Variants in AP2A1 observed in about 807,000 individuals in gnomAD.
The protein encoded by AP2A1 is AP-2 complex subunit alpha-1.
AP2A1 carries 21 observed loss-of-function variants against 107.3 expected under a neutral mutation model. The ratio of observed to expected loss-of-function variants is 0.20; its 90% CI spans 0.14 to 0.28. The LOEUF is 0.28. Among genes scored for constraint, AP2A1 ranks in the 10% least tolerant of loss-of-function variants. AP2A1 has a pLI of 1.00. For synonymous variants in AP2A1, 602 were observed against 564.8 expected, an observed-to-expected ratio of 1.07 and a Z score of -0.93; for missense variants, 873 against 1,307.7, an observed-to-expected ratio of 0.67 and a Z score of 5.13.
intron 12 of AP2A1, 29 bp downstream of exon 12, chr19:49,801,087 A>G (rs181381914): frequency 1.1e-5 from 17 of 1,565,892 alleles, no homozygotes; most frequent in Non-Finnish European, 3.5e-6. Flanking sequence ...GCAGGGGAGA[A>G]CACACATGCT....
At chr19:49,771,745 CA>C (rs989728179) in intron 1 of AP2A1, among the ~76,000 whole-genome samples, 115 of 152,072 alleles carry the variant, frequency 7.6e-4, no homozygotes, top group African/African-American at 2.6e-3. Flanking sequence ...AAAGAATTTG[CA>C]GCTGTCCTAA....
intron 1 of AP2A1, among the ~76,000 whole-genome samples, chr19:49,771,321 A>G (rs1053602310): frequency 1.3e-5 from 2 of 151,460 alleles, no homozygotes; most frequent in East Asian, 1.9e-4. Context: ...AAAAAAAAAA[A>G]AAAAAGAAAG....
intron 7 of AP2A1, among the ~76,000 whole-genome samples, 198 bp from the exon 8 acceptor site, chr19:49,798,604 C>T (rs1473041485): frequency 6.6e-6 from 1 of 152,088 alleles, no homozygotes; most frequent in Non-Finnish European, 1.5e-5. Context: ...TCCAGAGGTG[C>T]CTTGTCTCAC....
chr19:49,795,033 C>G (rs1418987555), intron 6 of AP2A1, among the ~76,000 whole-genome samples: 1 of 152,204 alleles, frequency 6.6e-6, no homozygotes, highest in Admixed American at 6.5e-5. Context: ...TTGTATTAGG[C>G]CTAGGGACCC....
At chr19:49,778,524 A>G (rs1182019435) in intron 1 of AP2A1, among the ~76,000 whole-genome samples, 1 of 152,206 alleles carries the variant, frequency 6.6e-6, no homozygotes, top group Non-Finnish European at 1.5e-5. Flanking sequence ...CGGAGGTTGC[A>G]GTGAGCTGAG....
intron 10 of AP2A1, 74 bp downstream of exon 10, chr19:49,799,840 C>CT (rs2073255375): frequency 6.4e-7 from 1 of 1,567,260 alleles, no homozygotes; most frequent in Middle Eastern, 1.7e-4. Flanking sequence ...ATTCCTAAGT[C>CT]TAAGGGAGGA....
chr19:49,800,452 TG>T (rs1348466011), intron 11 of AP2A1, among the ~76,000 whole-genome samples: 1 of 152,090 alleles, frequency 6.6e-6, no homozygotes, highest in African/African-American at 2.4e-5. Flanking sequence ...TCCTGTTTTT[TG>T]TTTGTTTGTT....
intron 6 of AP2A1, 24 bp from the exon 7 acceptor site, chr19:49,795,603 AACT>A: frequency 8.1e-6 from 2 of 246,822 alleles, no homozygotes; most frequent in Non-Finnish European, 1.4e-5. Context: ...CCCAGCCCCC[AACT>A]TATTTCTTGC....
At chr19:49,799,210 G>A (rs770312597) in intron 8 of AP2A1, 117 bp from the exon 9 acceptor site, 58 of 1,301,118 alleles carry the variant, frequency 4.5e-5, no homozygotes, top group East Asian at 5.0e-5. Flanking sequence ...ATGCAAGGCC[G>A]GCAAGGTTAA....
chr19:49,803,130 T>C lies in AP2A1; in HGVS notation c.2195T>C (p.Val732Ala). ...LNKFVCKNNG[V>A]LFENQLLQIG... ...AGGTTTGTGTGTAAGAACAACGGGG[T>C]CCTGTTCGAGAACCAGCTGCTGCAG... The change falls in exon 17 of 23, where the codon GTC becomes GCC. Residue 732 changes from valine (V) to alanine (A), a missense_variant. Around this residue, in one of 4 missense-constraint regions of AP2A1, gnomAD observed 416 missense variants for 473.4 expected, o/e 0.88. Coordinates refer to ENST00000354293, the MANE Select transcript of AP2A1 (RefSeq NM_130787.3). The C allele has an allele frequency of 6.2e-7, 1 of 1,613,706 alleles. No individual in the cohort carries two copies. Among genetic ancestry groups the C allele is most frequent in the Non-Finnish European group, 8.5e-7 (1 of 1,179,832 alleles).
chr19:49,775,115 C>T (rs1202231142), intron 1 of AP2A1, among the ~76,000 whole-genome samples: 2 of 152,000 alleles, frequency 1.3e-5, no homozygotes, highest in African/African-American at 4.8e-5. Context: ...GTAGTCCTAG[C>T]TTCTTCGGAG....
intron 1 of AP2A1, 55 bp from the exon 2 acceptor site, chr19:49,781,702 G>T: frequency 6.6e-7 from 1 of 1,519,520 alleles, no homozygotes; most frequent in Non-Finnish European, 9.0e-7. Context: ...GAAAGAGAGG[G>T]CAGGTGGCTG....
At chr19:49,779,487 CAAAAA>C (rs370114853) in intron 1 of AP2A1, among the ~76,000 whole-genome samples, 4 of 83,976 alleles carry the variant, frequency 4.8e-5, no homozygotes, top group African/African-American at 9.9e-5. Flanking sequence ...GCCTGGGCTA[CAAAAA>C]AAAAAAAAAA....
chr19:49,791,617 T>C (rs367556127), intron 4 of AP2A1, among the ~76,000 whole-genome samples: 23 of 152,218 alleles, frequency 1.5e-4, no homozygotes, highest in East Asian at 1.2e-3. Context: ...TTCACCACTC[T>C]ATCCATGGAG....
rs776740267 is a variant in AP2A1, at chr19:49,806,893, G to A, written c.*135G>A. On this transcript the variant is annotated 3_prime_UTR_variant, in exon 23 of 23. Coordinates refer to ENST00000354293, the MANE Select transcript of AP2A1 (RefSeq NM_130787.3). ...TGGGGGATGCCTGGGACTTTCCTCC[G>A]GCCTTTTGTATTTTTATTTTTGTTC... is the stretch of plus-strand genomic sequence containing the variant. The A allele has an allele frequency of 8.8e-5, 136 of 1,544,122 alleles. No homozygotes were observed. Among genetic ancestry groups the A allele is most frequent in the Non-Finnish European group, 1.1e-4 (128 of 1,149,750 alleles).
intron 5 of AP2A1, among the ~76,000 whole-genome samples, chr19:49,792,382 G>GC (rs1163863512): frequency 8.6e-6 from 1 of 116,512 alleles, no homozygotes; most frequent in African/African-American, 3.3e-5. Context: ...CAGCCCTCAC[G>GC]CCCCCTGGAT....
At position 49,806,259 on chromosome 19, in the gene AP2A1, T is replaced by G. The variant is rs1486211676; in HGVS notation, c.2790+6T>G. On this transcript the variant is annotated splice_donor_region_variant and intron_variant, in intron 22 of 22. Coordinates refer to ENST00000354293, the MANE Select transcript of AP2A1 (RefSeq NM_130787.3). ...AGCCCAATGCCCAGGCCCAGGTGAGTGCTGCTGTGGGAGGCCTGAGGCCGG... is the reference window on the plus strand; with the variant it reads ...AGCCCAATGCCCAGGCCCAGGTGAGGGCTGCTGTGGGAGGCCTGAGGCCGG... 6.3e-7 allele frequency: 1 copy of G among 1,599,458 alleles called. No individual in the cohort carries two copies. The highest frequency in any genetic ancestry group is 1.7e-5 in the Admixed American group (1 of 58,300).
chr19:49,791,878 T>G, intron 4 of AP2A1, 57 bp from the exon 5 acceptor site: 2 of 1,530,178 alleles, frequency 1.3e-6, no homozygotes, highest in Non-Finnish European at 1.8e-6. Context: ...GGAGGGGAGG[T>G]GTGCAGGGCT....
chr19:49,775,848 C>T (rs2084612108), intron 1 of AP2A1, among the ~76,000 whole-genome samples: 1 of 152,224 alleles, frequency 6.6e-6, no homozygotes, highest in Non-Finnish European at 1.5e-5. Context: ...GTGTTACCTT[C>T]ATAAATGCAC....
Sources: allele counts gnomAD v4.1 joint callset (sites outside exome capture counted in the v4.1 genomes callset), GRCh38; gene constraint gnomAD v4.1.1; regional missense constraint gnomAD v4.1.1; transcripts MANE v1.5; gene names NCBI Gene and HGNC (gene_info 2026-07-23, HGNC 2026-07-21).